The following SERPINB8 variants were observed in gnomAD, a reference collection of about 807,000 sequenced individuals.
The protein encoded by SERPINB8 is serpin family B member 8.
SERPINB8 carries 25 observed loss-of-function variants against 35.3 expected under a neutral mutation model. That is an observed-to-expected ratio of 0.71 (90% CI 0.52 to 0.99). The LOEUF (loss-of-function observed/expected upper bound fraction) is 0.99. Among genes scored for constraint, SERPINB8 ranks in the 50% least tolerant of loss-of-function variants. The pLI is 0.00. For missense variants in SERPINB8, 484 were observed against 446.5 expected, an observed-to-expected ratio of 1.08 and a Z score of -0.76; for synonymous variants, 186 against 160.8, an observed-to-expected ratio of 1.16 and a Z score of -1.19.
chr18:63,971,111 CT>C (rs1442572107), intron 1 of SERPINB8, among the ~76,000 whole-genome samples: 1 of 152,162 alleles, frequency 6.6e-6, no homozygotes, highest in Non-Finnish European at 1.5e-5. Context: ...GCAGACTCGT[CT>C]CCCCAGTTCT....
chr18:64,011,392 A>G (rs762346610), intron 7 of SERPINB8, among the ~76,000 whole-genome samples: 13 of 152,168 alleles, frequency 8.5e-5, no homozygotes, highest in Admixed American at 2.6e-4. Context: ...TAGTGAAGAT[A>G]AAATTCAAAC....
At chr18:63,978,615 G>A (rs2050621634) in intron 2 of SERPINB8, 139 bp downstream of exon 2, 2 of 872,852 alleles carry the variant, frequency 2.3e-6, no homozygotes, top group Non-Finnish European at 3.6e-6. Context: ...GTGGAGAAGA[G>A]CAGAAAGGGG....
At chr18:63,986,234 T>G in intron 6 of SERPINB8, 1 of 1,609,866 alleles carries the variant, frequency 6.2e-7, no homozygotes, top group Non-Finnish European at 8.5e-7. Context: ...CTCCCTTTTT[T>G]CTTTCTACCT....
downstream of SERPINB8, among the ~76,000 whole-genome samples, chr18:63,990,888 A>G (rs1039397138): frequency 2.0e-5 from 3 of 152,230 alleles, no homozygotes; most frequent in African/African-American, 7.2e-5. Context: ...AGGATCTCCT[A>G]TGTTTCTTCC....
chr18:63,997,539 C>T (rs969847423), intron 1 of SERPINB8, among the ~76,000 whole-genome samples: 5 of 152,168 alleles, frequency 3.3e-5, no homozygotes, highest in African/African-American at 1.2e-4. Flanking sequence ...TCTTGATTAA[C>T]ATTTACTATG....
intron 1 of SERPINB8, among the ~76,000 whole-genome samples, chr18:63,996,820 G>C (rs2050851964): frequency 1.3e-5 from 2 of 152,358 alleles, no homozygotes; most frequent in South Asian, 2.1e-4. Context: ...GCTTTTGGCT[G>C]TCTCTGCCCC....
At chr18:63,973,170 A>C (rs1219580298) in intron 1 of SERPINB8, among the ~76,000 whole-genome samples, 1 of 152,174 alleles carries the variant, frequency 6.6e-6, no homozygotes, top group Non-Finnish European at 1.5e-5. Flanking sequence ...CTGACTTTTT[A>C]ATGATCACCA....
downstream of SERPINB8, among the ~76,000 whole-genome samples, chr18:63,993,759 G>C (rs1486994613): frequency 6.6e-6 from 1 of 152,218 alleles, no homozygotes; most frequent in Non-Finnish European, 1.5e-5. Flanking sequence ...CATGGGGGAG[G>C]TGGGGGGAAG....
At chr18:64,000,686 G>T (rs1461242387) in intron 1 of SERPINB8, among the ~76,000 whole-genome samples, 2 of 152,218 alleles carry the variant, frequency 1.3e-5, no homozygotes, top group African/African-American at 4.8e-5. Flanking sequence ...TTATTAGGGG[G>T]CCTGGAGATA....
At chr18:63,982,255 C>T (rs2050684033) in intron 4 of SERPINB8, among the ~76,000 whole-genome samples, 1 of 152,114 alleles carries the variant, frequency 6.6e-6, no homozygotes, top group South Asian at 2.1e-4. Context: ...GATCTGCAGC[C>T]TTCTCCTTCC....
chr18:63,983,427 G>A, intron 4 of SERPINB8, 152 bp from the exon 5 acceptor site: 1 of 685,296 alleles, frequency 1.5e-6, no homozygotes, highest in South Asian at 1.9e-5. Flanking sequence ...ATGCCACACT[G>A]CTAAACACCA....
In SERPINB8 at chr18:64,015,902, A is replaced by G. The variant is rs184193203; in HGVS notation, c.*3-3008A>G. Among the ~76,000 whole-genome samples, 305 of 152,316 alleles carry G rather than the reference A, an allele frequency of 2.0e-3. 2 individuals carry two copies. Among genetic ancestry groups the G allele is most frequent in the African/African-American group, 7.0e-3 (291 of 41,570 alleles). On this transcript the variant is annotated intron_variant, in intron 7 of 7. Coordinates refer to the SERPINB8 transcript ENST00000636430. Reference sequence around the variant, plus strand: ...AAGTGTTAAGCAATGTCTCTAGGCAATCTCCTTCTCCTCCTAATAAAAAGA... The same window carrying G: ...AAGTGTTAAGCAATGTCTCTAGGCAGTCTCCTTCTCCTCCTAATAAAAAGA...
At chr18:63,984,660 A>G (rs1248095302) in intron 5 of SERPINB8, among the ~76,000 whole-genome samples, 1 of 152,202 alleles carries the variant, frequency 6.6e-6, no homozygotes, top group Non-Finnish European at 1.5e-5. Flanking sequence ...AGGCCATAAA[A>G]CCAATTCTAC....
intron 4 of SERPINB8, 43 bp downstream of exon 4, chr18:63,981,881 CG>C: frequency 7.1e-7 from 1 of 1,411,318 alleles, no homozygotes; most frequent in Non-Finnish European, 1.0e-6. Flanking sequence ...TACTATACAA[CG>C]AGGCTTAGAT....
intron 1 of SERPINB8, among the ~76,000 whole-genome samples, chr18:63,971,238 G>C (rs962925574): frequency 6.6e-6 from 1 of 152,152 alleles, no homozygotes; most frequent in Non-Finnish European, 1.5e-5. Context: ...CACAGAAATA[G>C]GTGGATTTCT....
At chr18:63,971,957 A>G (rs2050489738) in intron 1 of SERPINB8, among the ~76,000 whole-genome samples, 1 of 148,646 alleles carries the variant, frequency 6.7e-6, no homozygotes, top group Admixed American at 6.7e-5. Context: ...TGCATCCCCC[A>G]TTTCACCACC....
At chr18:63,999,495 T>C (rs1485546532) in intron 1 of SERPINB8, among the ~76,000 whole-genome samples, 1 of 152,164 alleles carries the variant, frequency 6.6e-6, no homozygotes, top group Non-Finnish European at 1.5e-5. Flanking sequence ...TATTTTGGCC[T>C]TGATGGTGGT....
intron 1 of SERPINB8, among the ~76,000 whole-genome samples, chr18:63,975,051 G>T (rs962343625): frequency 3.3e-5 from 5 of 152,042 alleles, no homozygotes; most frequent in Admixed American, 3.3e-4. Context: ...CAATAGTTCA[G>T]TTCATTCAGA....
At chr18:64,001,285 A>T (rs2050872981) in intron 1 of SERPINB8, among the ~76,000 whole-genome samples, 1 of 152,138 alleles carries the variant, frequency 6.6e-6, no homozygotes, top group Non-Finnish European at 1.5e-5. Context: ...ATTAGTGGTG[A>T]TAGTGTCACG....
Sources: gnomAD v4.1 joint callset for allele counts (sites outside exome capture counted in the v4.1 genomes callset) on GRCh38, gnomAD v4.1.1 for gene constraint, MANE v1.5 for transcripts, NCBI Gene and HGNC (gene_info 2026-07-23, HGNC 2026-07-21) for gene names.